The following F2RL1 variants were observed in gnomAD, a reference collection of about 807,000 sequenced individuals.
F2RL1 encodes the protein F2R like trypsin receptor 1.
In F2RL1, 16 loss-of-function variants were observed where a neutral mutation model predicts 21.7. That is an observed-to-expected ratio of 0.74 (90% confidence interval 0.50 to 1.12). The LOEUF is 1.12. Ranked by LOEUF, F2RL1 falls within the 50% of genes most tolerant of loss-of-function variation. The pLI is 0.00. For missense variants in F2RL1, 432 were observed against 477.8 expected, an observed-to-expected ratio of 0.90 and a Z score of 0.89; for synonymous variants, 181 against 186.7, an observed-to-expected ratio of 0.97 and a Z score of 0.25.
intron 1 of F2RL1, among the ~76,000 whole-genome samples, chr5:76,823,587 C>G (rs2243028): frequency 1.1e-3 from 164 of 152,020 alleles, no homozygotes; most frequent in African/African-American, 3.7e-3. Flanking sequence ...CCATGTTGGC[C>G]AGGCTGGTCT....
Position 76,833,263 on chromosome 5 carries a change from C to A in F2RL1, c.656C>A (p.Pro219His). The change falls in exon 2 of 2, where the codon CCT becomes CAT. Residue 219 changes from proline to histidine, a missense_variant. Coordinates refer to ENST00000296677, the MANE Select transcript of F2RL1 (RefSeq NM_005242.6). ...GTCGTGAAGCAGACCATCTTCATTCCTGCCCTGAACATCACGACCTGTCAT... is the reference window on the plus strand; with the variant it reads ...GTCGTGAAGCAGACCATCTTCATTCATGCCCTGAACATCACGACCTGTCAT... ...LYVVKQTIFI[P>H]ALNITTCHDV... The A allele has an allele frequency of 6.2e-7, 1 of 1,613,576 alleles. No homozygotes were observed. The highest frequency in any genetic ancestry group is 8.5e-7 in the Non-Finnish European group (1 of 1,179,980).
chr5:76,830,783 T>C (rs1289075411), intron 1 of F2RL1, among the ~76,000 whole-genome samples: 4 of 152,240 alleles, frequency 2.6e-5, no homozygotes, highest in African/African-American at 9.6e-5. Context: ...AAGTGAAATA[T>C]TGATCTCTAC....
intron 1 of F2RL1, among the ~76,000 whole-genome samples, chr5:76,830,402 C>T (rs1232090307): frequency 6.6e-6 from 1 of 152,166 alleles, no homozygotes; most frequent in Admixed American, 6.5e-5. Context: ...CTCAGCCTCC[C>T]AAGTAGCTAG....
intron 1 of F2RL1, among the ~76,000 whole-genome samples, chr5:76,822,322 A>G (rs1444645568): frequency 2.0e-5 from 3 of 151,924 alleles, no homozygotes; most frequent in Non-Finnish European, 4.4e-5. Context: ...GGTTTAAGTG[A>G]TTCTCATGCC....
At position 76,833,586 on chromosome 5, in the gene F2RL1, A is replaced by G. The variant is rs1381902881; in HGVS notation, c.979A>G (p.Ile327Val). Residue 327 changes from isoleucine (I) to valine (V), a missense_variant, in exon 2 of 2, where the codon ATT (isoleucine) becomes GTT (valine). By Grantham distance (29) the Ile-to-Val change is conservative. Coordinates refer to ENST00000296677, the MANE Select transcript of F2RL1 (RefSeq NM_005242.6). ...QGQSHVYALY[I>V]VALCLSTLNS... ...CCAGAGCCATGTCTATGCCCTGTAC[A>G]TTGTAGCCCTCTGCCTCTCTACCCT... The G allele has an allele frequency of 6.8e-6, 11 of 1,613,520 alleles. No individual in the cohort carries two copies. Among genetic ancestry groups the G allele is most frequent in the Non-Finnish European group, 9.3e-6 (11 of 1,179,972 alleles).
chr5:76,822,988 T>G (rs1275075163), intron 1 of F2RL1, among the ~76,000 whole-genome samples: 1 of 152,114 alleles, frequency 6.6e-6, no homozygotes, highest in Non-Finnish European at 1.5e-5. Context: ...TCCCAGCACT[T>G]TGGAAGTCAA....
intron 1 of F2RL1, 48 bp from the exon 2 acceptor site, chr5:76,832,642 C>A: frequency 6.6e-7 from 1 of 1,508,448 alleles, no homozygotes; most frequent in Non-Finnish European, 8.9e-7. Flanking sequence ...AGTGTTACTG[C>A]TGAAACATTT....
At chr5:76,830,508 C>T (rs1177274306) in intron 1 of F2RL1, among the ~76,000 whole-genome samples, 1 of 152,138 alleles carries the variant, frequency 6.6e-6, no homozygotes, top group Non-Finnish European at 1.5e-5. Flanking sequence ...GAACTTCTGA[C>T]CTCGTGATCC....
chr5:76,832,634 T>G (rs2150607983), intron 1 of F2RL1, 56 bp from the exon 2 acceptor site: 1 of 1,467,502 alleles, frequency 6.8e-7, no homozygotes, highest in African/African-American at 1.4e-5. Context: ...AACAAACCAG[T>G]GTTACTGCTG....
Position 76,833,707 on chromosome 5 carries a change from TA to T in F2RL1, c.1103del (p.Lys368SerfsTer51). The T allele has an allele frequency of 6.2e-7, 1 of 1,614,036 alleles. No homozygotes were observed. On this transcript the variant is annotated frameshift_variant, in exon 2 of 2. Coordinates refer to ENST00000296677, the MANE Select transcript of F2RL1 (RefSeq NM_005242.6). LOFTEE classifies it high-confidence loss of function. ...NALLCRSVRT[V>X]KQMQVSLTSK... ...CTCCTTTGCCGAAGTGTCCGCACTG[TA>T]AAGCAGATGCAAGTATCCCTCACCT...
chr5:76,824,555 C>A (rs971394860), intron 1 of F2RL1, among the ~76,000 whole-genome samples: 9 of 151,942 alleles, frequency 5.9e-5, no homozygotes, highest in East Asian at 5.8e-4. Flanking sequence ...TCTCAAACTC[C>A]CGATCTCATG....
intron 1 of F2RL1, among the ~76,000 whole-genome samples, chr5:76,820,034 C>T (rs897430727): frequency 2.4e-4 from 37 of 152,304 alleles, no homozygotes; most frequent in African/African-American, 8.2e-4. Flanking sequence ...CCCTCTGGGC[C>T]TGGGGTTCCG....
At chr5:76,830,707 T>G (rs1750335398) in intron 1 of F2RL1, among the ~76,000 whole-genome samples, 1 of 152,144 alleles carries the variant, frequency 6.6e-6, no homozygotes, top group South Asian at 2.1e-4. Context: ...GTTCACAGAG[T>G]CTGGCGATTA....
chr5:76,828,768 A>G (rs896538780), intron 1 of F2RL1, among the ~76,000 whole-genome samples: 1 of 152,006 alleles, frequency 6.6e-6, no homozygotes, highest in Non-Finnish European at 1.5e-5. Flanking sequence ...CACTGGGATT[A>G]TAGGCATGAA....
chr5:76,828,895 C>A (rs1445608865), intron 1 of F2RL1, among the ~76,000 whole-genome samples: 4 of 152,016 alleles, frequency 2.6e-5, no homozygotes, highest in Admixed American at 1.3e-4. Context: ...GTGGGCAGAT[C>A]ACTTGAGATC....
intron 1 of F2RL1, among the ~76,000 whole-genome samples, chr5:76,831,392 G>C (rs920742671): frequency 3.9e-5 from 6 of 152,110 alleles, no homozygotes; most frequent in African/African-American, 1.4e-4. Flanking sequence ...GAATTGAATA[G>C]GCCAGGAAGG....
intron 1 of F2RL1, among the ~76,000 whole-genome samples, chr5:76,826,343 T>TC (rs1750238348): frequency 6.6e-6 from 1 of 152,228 alleles, no homozygotes; most frequent in Non-Finnish European, 1.5e-5. Flanking sequence ...AGTTTAGCTG[T>TC]CATTCACCAA....
rs1454241071 is a variant in F2RL1 at position 76,833,485 on chromosome 5, T to C, written c.878T>C (p.Leu293Pro). The change falls in exon 2 of 2, where the codon CTG becomes CCG. Residue 293 changes from leucine to proline, a missense_variant. By Grantham distance (98) the Leu-to-Pro change is moderately conservative (BLOSUM62 -3). Transcript: ENST00000296677. ...GCCATCAAACTCATTGTCACTGTCC[T>C]GGCCATGTACCTGATCTGCTTCACT... ...KRAIKLIVTV[L>P]AMYLICFTPS... 3 of 1,613,830 alleles carry C rather than the reference T, an allele frequency of 1.9e-6. No individual in the cohort carries two copies. Among genetic ancestry groups the C allele is most frequent in the Admixed American group, 1.7e-5 (1 of 59,952 alleles).
At chr5:76,829,320 C>T (rs1174295042) in intron 1 of F2RL1, among the ~76,000 whole-genome samples, 4 of 149,358 alleles carry the variant, frequency 2.7e-5, no homozygotes, top group Non-Finnish European at 5.9e-5. Context: ...TGGTCTTGAA[C>T]TCCTGGTCTC....
Sources: allele counts gnomAD v4.1 joint callset (sites outside exome capture counted in the v4.1 genomes callset), GRCh38; gene constraint gnomAD v4.1.1; transcripts MANE v1.5; gene names NCBI Gene and HGNC (gene_info 2026-07-23, HGNC 2026-07-21).